ATG2A: variants seen among roughly 807,000 people sequenced by gnomAD.
ATG2A encodes autophagy related 2A.
A neutral mutation model predicts 214.2 loss-of-function variants in ATG2A; 103 were observed. The ratio of observed to expected loss-of-function variants is 0.48; its 90% CI spans 0.41 to 0.57. The LOEUF (loss-of-function observed/expected upper bound fraction) is 0.57. Ranked by LOEUF, ATG2A falls within the 20% of genes least tolerant of loss-of-function variation. The pLI is 0.00. For missense variants in ATG2A, 2,312 were observed against 2,613.2 expected (o/e 0.88, Z 2.51); for synonymous variants, 1,160 against 1,142.1 (o/e 1.02, Z -0.32).
Position 64,907,785 on chromosome 11 carries a change from G to C in ATG2A, c.2470C>G (p.Leu824Val). The change falls in exon 17 of 41, where the codon CTG (leucine) becomes GTG (valine). Residue 824 changes from leucine (L) to valine (V), a missense_variant. Physicochemically the swap from Leu to Val is conservative, Grantham distance 32. Transcript: ENST00000377264. The stretch of plus-strand genomic sequence containing the variant: ...CTCTCGTAGACCTCCTTGCTGGGCA[G>C]AAAGATGTGGACACTGGGCAGGATC... ...EVILPSVHIFLPSKEVYESIY... is the reference protein window; with the variant it reads ...EVILPSVHIFVPSKEVYESIY... 3 of 1,613,580 alleles carry C rather than the reference G, an allele frequency of 1.9e-6. No homozygotes were observed. Among genetic ancestry groups the C allele is most frequent in the Middle Eastern group, 1.6e-4 (1 of 6,062 alleles).
intron 35 of ATG2A, 45 bp downstream of exon 35, chr11:64,897,794 C>T (rs745881345): frequency 1.2e-6 from 2 of 1,613,986 alleles, no homozygotes; most frequent in African/African-American, 2.7e-5. Flanking sequence ...GCCTGGCCCC[C>T]AGCAATCTGG....
chr11:64,910,019 G>C (rs1944706047), intron 13 of ATG2A, 21 bp downstream of exon 13: 1 of 1,560,200 alleles, frequency 6.4e-7, no homozygotes, highest in Non-Finnish European at 8.7e-7. Flanking sequence ...CCCCGGCCTG[G>C]CCCTGGCAGG....
rs1252033235 is a variant in ATG2A, at chr11:64,895,263, A to ACTGGGGCAGGGCGGGGGC, written c.5580+9_5580+26dup. 1.9e-6 allele frequency: 3 copies of ACTGGGGCAGGGCGGGGGC among 1,613,024 alleles called. No homozygotes were observed. The South Asian group carries it at 3.3e-5, about 18-fold the overall frequency. ...CTGTGTGAGGAGATGGGCATGGGGG[A>ACTGGGGCAGGGCGGGGGC]CTGGGGCAGGGCGGGGGCCTGGTCA... On this transcript the variant is annotated intron_variant, in intron 40 of 40. Transcript: ENST00000377264. The surrounding 1 kb of genome is among the most constrained non-coding windows in gnomAD (Gnocchi z 5.0).
chr11:64,917,186 C>A lies in ATG2A; in HGVS notation c.-51G>T, dbSNP rs1473821627. 2 of 1,539,846 alleles carry A rather than the reference C, an allele frequency of 1.3e-6. No homozygotes were observed. Among genetic ancestry groups the A allele is most frequent in the East Asian group, 2.3e-5 (1 of 42,858 alleles). On this transcript the variant is annotated 5_prime_UTR_variant, in exon 1 of 41. Coordinates refer to ENST00000377264, the MANE Select transcript of ATG2A (RefSeq NM_015104.3). ...CCTCCGCTTGCCGCCCGCCGGCGAT[C>A]CCCGTCCGGCTCCGCTGTTCACTAG...
chr11:64,912,464 C>T (rs1001828126), intron 6 of ATG2A, 41 bp from the exon 7 acceptor site: 61 of 1,498,740 alleles, frequency 4.1e-5, no homozygotes, highest in Non-Finnish European at 5.2e-5. Context: ...AGGCCCACCA[C>T]CCAGCTCCTC....
rs772951956 is a variant in ATG2A at position 64,894,959 on chromosome 11, C to T, written c.*14G>A. On this transcript the variant is annotated 3_prime_UTR_variant, in exon 41 of 41. Coordinates refer to ENST00000377264, the MANE Select transcript of ATG2A (RefSeq NM_015104.3). ...ATGGTGGGCAGCACCCTCTGGGTGC[C>T]GGGCACCCCAGGCTCAGTCTTGGGC... 5.0e-5 allele frequency: 80 copies of T among 1,610,136 alleles called. No individual in the cohort carries two copies. Among genetic ancestry groups the T allele is most frequent in the Admixed American group, 8.4e-5 (5 of 59,878 alleles).
Position 64,902,696 on chromosome 11 carries a change from G to C in ATG2A, c.3613-16C>G, listed in dbSNP as rs1259257111. The C allele has an allele frequency of 6.2e-7, 1 of 1,601,858 alleles. No homozygotes were observed. The highest frequency in any genetic ancestry group is 2.2e-5 in the East Asian group (1 of 44,682). ...GTGGCTGGCTCTGCAGGGGCGGGGT[G>C]GGGGGAGCAGCTATGTGAACACAGG... On this transcript the variant is annotated splice_polypyrimidine_tract_variant and intron_variant, in intron 26 of 40. Coordinates refer to ENST00000377264, the MANE Select transcript of ATG2A (RefSeq NM_015104.3).
Position 64,906,329 on chromosome 11 carries a change from C to A in ATG2A, c.3183+5G>T. ...AGGAGGGGTGGATGGTAGGCAAGCC[C>A]ATACCTTCACATTCTTGTGGGGGTC... On this transcript the variant is annotated splice_donor_5th_base_variant and intron_variant, in intron 21 of 40. Transcript: ENST00000377264. 4 of 1,612,936 alleles carry A rather than the reference C, an allele frequency of 2.5e-6. No homozygotes were observed. The highest frequency in any genetic ancestry group is 3.4e-6 in the Non-Finnish European group (4 of 1,179,798).
chr11:64,898,162 G>A lies in ATG2A; in HGVS notation c.4782C>T (p.Leu1594=). The change falls in exon 34 of 41, where the codon CTC becomes CTT. Residue 1594 remains leucine, a synonymous_variant. Coordinates refer to ENST00000377264, the MANE Select transcript of ATG2A (RefSeq NM_015104.3). The surrounding 1 kb of genome is among the most constrained non-coding windows in gnomAD (Gnocchi z 4.5). ...TAGTGAAGAAGTCCTTGAGGAAGAA[G>A]AGGGCATCCTGCAAGGGAGAGGTCC... The part of the protein sequence containing the change: ...PLRLNVDQDA[L]FFLKDFFTSL... 1.2e-6 allele frequency: 2 copies of A among 1,614,100 alleles called. No homozygotes were observed. The highest frequency in any genetic ancestry group is 2.7e-5 in the African/African-American group (2 of 75,032).
At chr11:64,907,984 T>G in intron 16 of ATG2A, 94 bp from the exon 17 acceptor site, 1 of 1,360,280 alleles carries the variant, frequency 7.4e-7, no homozygotes, top group South Asian at 1.3e-5. Context: ...CTGTCGTTCA[T>G]CATTCATTCA....
At chr11:64,914,275 A>AG in intron 2 of ATG2A, 42 bp from the exon 3 acceptor site, 4 of 1,552,548 alleles carry the variant, frequency 2.6e-6, no homozygotes, top group Non-Finnish European at 2.6e-6. Context: ...AGGCCCAGTC[A>AG]GGTCCTGGAC....
At chr11:64,911,753 A>G in intron 9 of ATG2A, 89 bp downstream of exon 9, 1 of 1,542,290 alleles carries the variant, frequency 6.5e-7, no homozygotes, top group South Asian at 1.2e-5. Flanking sequence ...ATCGCTGGGG[A>G]TTTCCTGTGT....
At position 64,909,377 on chromosome 11, in the gene ATG2A, G is replaced by A. The variant is rs776019576; in HGVS notation, c.2108-10C>T. On this transcript the variant is annotated splice_polypyrimidine_tract_variant and intron_variant, in intron 14 of 40. Transcript: ENST00000377264. ...CCATCTTCATAGATACCTGGAGGGG[G>A]ATGGGGAATTAGGGGGGTCATCACT... 1.2e-5 allele frequency: 19 copies of A among 1,608,672 alleles called. No individual in the cohort carries two copies. Among genetic ancestry groups the A allele is most frequent in the African/African-American group, 6.7e-5 (5 of 74,828 alleles).
Position 64,913,923 on chromosome 11 carries a change from A to C in ATG2A, c.488T>G (p.Val163Gly), listed in dbSNP as rs1467053013. ...GAAGGTCACTTTGATCCTCCGAAGC[A>C]CTGAGGAGTTGGGGAGGGGTCTCAG... The part of the protein sequence containing the change: ...LEMFAQTIET[V>G]LRRIKVTFLD... The change falls in exon 4 of 41, where the codon GTG becomes GGG. Residue 163 changes from valine to glycine, a missense_variant and splice_region_variant. By Grantham distance (109) the Val-to-Gly change is moderately radical (BLOSUM62 -3). Transcript: ENST00000377264. The surrounding 1 kb of genome is among the most constrained non-coding windows in gnomAD (Gnocchi z 4.3). 6.2e-7 allele frequency: 1 copy of C among 1,613,474 alleles called. No individual in the cohort carries two copies. The highest frequency in any genetic ancestry group is 1.3e-5 in the African/African-American group (1 of 74,886).
At position 64,907,353 on chromosome 11, in the gene ATG2A, C is replaced by A. The variant is rs770023483; in HGVS notation, c.2734G>T (p.Ala912Ser). The A allele has an allele frequency of 8.3e-6, 13 of 1,557,538 alleles. No homozygotes were observed. The highest frequency in any genetic ancestry group is 1.7e-4 in the Middle Eastern group (1 of 6,022). ...FSVGASGGPQ[A>S]AAPEAPSLHL... ...AGACTTGGGGCCTCAGGGGCAGCGG[C>A]CTGTGGGCCACCTGATGCCCCCACT... The change falls in exon 19 of 41, where the codon GCC (alanine) becomes TCC (serine). Residue 912 changes from alanine to serine, a missense_variant. Transcript: ENST00000377264.
chr11:64,899,939 A>G (rs1223183483), intron 31 of ATG2A, among the ~76,000 whole-genome samples: 1 of 149,638 alleles, frequency 6.7e-6, no homozygotes, highest in Non-Finnish European at 1.5e-5. Flanking sequence ...ACTCACTGCA[A>G]CCTCTGCCTC....
rs767422448 is a variant in ATG2A, at chr11:64,907,628, A to T, written c.2544T>A (p.Asp848Glu). Residue 848 changes from aspartate to glutamate, a missense_variant, in exon 18 of 41, where the codon GAT becomes GAA. Physicochemically the swap from Asp to Glu is conservative, Grantham distance 45 (BLOSUM62 2). Coordinates refer to ENST00000377264, the MANE Select transcript of ATG2A (RefSeq NM_015104.3). ...CGGCGGGGTCGGGGGTGGGAAGCAG[A>T]TCTGCAGGCTCCCACATGAGCAGGT... ...NNDLLMWEPA[D>E]LLPTPDPAAQ... is the part of the protein sequence containing the mutation. 12 of 1,597,010 alleles carry T rather than the reference A, an allele frequency of 7.5e-6. No individual in the cohort carries two copies. Among genetic ancestry groups the T allele is most frequent in the Non-Finnish European group, 9.4e-6 (11 of 1,171,556 alleles).
At position 64,902,390 on chromosome 11, in the gene ATG2A, G is replaced by A; in HGVS notation, c.3778-4C>T. The A allele has an allele frequency of 6.4e-7, 1 of 1,559,674 alleles. No homozygotes were observed. The highest frequency in any genetic ancestry group is 1.2e-5 in the South Asian group (1 of 85,324). The stretch of plus-strand genomic sequence containing the variant: ...GAGAGGCAGGACTCTCCGAGAGCTG[G>A]GCCAGGCAGGGGAGGAGCAATGAGT... On this transcript the variant is annotated splice_polypyrimidine_tract_variant and splice_region_variant and intron_variant, in intron 27 of 40. Coordinates refer to ENST00000377264, the MANE Select transcript of ATG2A (RefSeq NM_015104.3).
intron 12 of ATG2A, among the ~76,000 whole-genome samples, chr11:64,910,408 G>C (rs562864090): frequency 6.6e-6 from 1 of 152,354 alleles, no homozygotes; most frequent in South Asian, 2.1e-4. Flanking sequence ...GCCAGCCAGG[G>C]GGCCATATTG....
Sources: allele counts gnomAD v4.1 joint callset (sites outside exome capture counted in the v4.1 genomes callset), GRCh38; gene constraint gnomAD v4.1.1; non-coding constraint Gnocchi (gnomAD v3.1); transcripts MANE v1.5; gene names NCBI Gene and HGNC (gene_info 2026-07-23, HGNC 2026-07-21).